Variants in ROBO2 observed in about 807,000 individuals in gnomAD.
ROBO2 encodes the protein roundabout guidance receptor 2.
ROBO2 carries 53 observed loss-of-function variants against 160.8 expected under a neutral mutation model. The ratio of observed to expected loss-of-function variants is 0.33; its 90% CI spans 0.26 to 0.41. ROBO2 has a LOEUF of 0.41. Among genes scored for constraint, ROBO2 ranks in the 10% least tolerant of loss-of-function variants. The pLI is 1.00. For synonymous variants in ROBO2, 664 were observed against 611.7 expected, an observed-to-expected ratio of 1.09 and a Z score of -1.26; for missense variants, 1,577 against 1,722.4, an observed-to-expected ratio of 0.92 and a Z score of 1.49.
chr3:77,618,957 C>G (rs1044007543), intron 22 of ROBO2, among the ~76,000 whole-genome samples: 2 of 152,146 alleles, frequency 1.3e-5, no homozygotes, highest in Non-Finnish European at 2.9e-5. Flanking sequence ...TGAAGCAATG[C>G]AGTTTGGTCA....
intron 6 of ROBO2, among the ~76,000 whole-genome samples, chr3:77,543,725 G>A (rs577029975): frequency 8.5e-5 from 13 of 152,060 alleles, no homozygotes; most frequent in East Asian, 1.9e-4. Context: ...TTTCAATCAC[G>A]TTTATTCTCA....
chr3:76,093,309 T>C (rs1258377584), intron 2 of ROBO2, among the ~76,000 whole-genome samples: 1 of 151,968 alleles, frequency 6.6e-6, no homozygotes, highest in Admixed American at 6.6e-5. Context: ...CTATAACAAG[T>C]AGACATTAAC....
chr3:77,177,649 A>T (rs891593019), intron 2 of ROBO2, among the ~76,000 whole-genome samples: 4 of 151,958 alleles, frequency 2.6e-5, no homozygotes, highest in African/African-American at 7.2e-5. Context: ...GATTGAATCC[A>T]CAGATGGGGG....
At chr3:76,625,939 AG>A (rs1246929274) in intron 2 of ROBO2, among the ~76,000 whole-genome samples, 1 of 152,168 alleles carries the variant, frequency 6.6e-6, no homozygotes, top group Admixed American at 6.5e-5. Flanking sequence ...CAAAGGTCAA[AG>A]CAGGCAACTG....
At chr3:76,794,191 T>A (rs1421376195) in intron 2 of ROBO2, among the ~76,000 whole-genome samples, 1 of 151,682 alleles carries the variant, frequency 6.6e-6, no homozygotes, top group East Asian at 1.9e-4. Context: ...GAGGAAAAAA[T>A]TATGGAAAAA....
intron 17 of ROBO2, among the ~76,000 whole-genome samples, chr3:77,593,227 A>T (rs961158883): frequency 2.7e-5 from 4 of 148,452 alleles, no homozygotes; most frequent in Non-Finnish European, 4.5e-5. Flanking sequence ...AAAAAAAAAA[A>T]CACAAACTAG....
chr3:77,631,041 G>A (rs1358967286), intron 23 of ROBO2: 1 of 151,006 alleles, frequency 6.6e-6, no homozygotes, highest in Non-Finnish European at 1.5e-5. Flanking sequence ...TCCTTGACTT[G>A]TGGTTATTAA....
chr3:76,984,257 C>A (rs1212564722), intron 2 of ROBO2, among the ~76,000 whole-genome samples: 1 of 152,182 alleles, frequency 6.6e-6, no homozygotes, highest in African/African-American at 2.4e-5. Flanking sequence ...CAGAAGACTG[C>A]AAGCCTGGTT....
intron 2 of ROBO2, among the ~76,000 whole-genome samples, chr3:76,011,271 G>A (rs1477480500): frequency 6.6e-6 from 1 of 152,136 alleles, no homozygotes; most frequent in Non-Finnish European, 1.5e-5. Flanking sequence ...CAAGGTGGCT[G>A]GCTAGTTAAC....
intron 2 of ROBO2, among the ~76,000 whole-genome samples, chr3:76,516,350 C>T (rs3911992): frequency 9.4e-4 from 143 of 152,248 alleles, no homozygotes; most frequent in African/African-American, 3.2e-3. Flanking sequence ...AAAGTGCAGA[C>T]AGTATCCTTT....
chr3:77,149,577 G>T (rs2077389343), intron 2 of ROBO2, among the ~76,000 whole-genome samples: 1 of 152,146 alleles, frequency 6.6e-6, no homozygotes, highest in Admixed American at 6.6e-5. Context: ...GCTTATAGGA[G>T]ATTTAGATGT....
At chr3:76,360,257 C>G (rs562356271) in intron 2 of ROBO2, among the ~76,000 whole-genome samples, 2 of 151,990 alleles carry the variant, frequency 1.3e-5, no homozygotes, top group African/African-American at 4.8e-5. Context: ...AATATTCTGG[C>G]CCAAGTAAAG....
At chr3:76,796,424 AAAAAGAAGGAAG>A (rs1329627328) in intron 2 of ROBO2, among the ~76,000 whole-genome samples, 1 of 151,664 alleles carries the variant, frequency 6.6e-6, no homozygotes, top group Non-Finnish European at 1.5e-5. Context: ...GAAGGAAAAA[AAAAAGAAGGAAG>A]AAAAGAAGGA....
At chr3:76,659,779 C>A (rs1187798874) in intron 2 of ROBO2, among the ~76,000 whole-genome samples, 1 of 152,136 alleles carries the variant, frequency 6.6e-6, no homozygotes, top group African/African-American at 2.4e-5. Flanking sequence ...AAATAAACAA[C>A]TTTACCACCA....
intron 2 of ROBO2, among the ~76,000 whole-genome samples, chr3:77,450,523 T>C (rs1012879602): frequency 1.3e-5 from 2 of 152,110 alleles, no homozygotes; most frequent in African/African-American, 4.8e-5. Flanking sequence ...TGCTGTATAA[T>C]AGATACCCAA....
intron 2 of ROBO2, among the ~76,000 whole-genome samples, chr3:76,565,413 C>T (rs1252555748): frequency 6.6e-6 from 1 of 152,154 alleles, no homozygotes. Context: ...GTTTCATAAA[C>T]ATTTATCCAC....
intron 2 of ROBO2, among the ~76,000 whole-genome samples, chr3:76,969,878 A>G (rs114564891): frequency 0.012 from 1,796 of 152,072 alleles, 31 homozygotes; most frequent in African/African-American, 0.041. Context: ...AATGTTTTTA[A>G]AGCAGACAAG....
chr3:76,272,971 A>ATATATATTATATAT (rs1707648767), intron 2 of ROBO2, among the ~76,000 whole-genome samples: 1 of 19,920 alleles, frequency 5.0e-5, no homozygotes, highest in Non-Finnish European at 1.5e-4. Flanking sequence ...TTTATATATA[A>ATATATATTATATAT]AATATATATA....
intron 2 of ROBO2, among the ~76,000 whole-genome samples, chr3:76,567,976 A>T (rs1363472755): frequency 6.7e-6 from 1 of 149,988 alleles, no homozygotes; most frequent in African/African-American, 2.5e-5. Flanking sequence ...CACCACGCTC[A>T]GATAATTTTT....
Sources: gnomAD v4.1 joint callset for allele counts (sites outside exome capture counted in the v4.1 genomes callset) on GRCh38, gnomAD v4.1.1 for gene constraint, MANE v1.5 for transcripts, NCBI Gene and HGNC (gene_info 2026-07-23, HGNC 2026-07-21) for gene names.